The following OTOGL variants were observed in gnomAD, a reference collection of about 807,000 sequenced individuals.
OTOGL encodes otogelin-like protein.
In OTOGL, 285 loss-of-function variants were observed where a neutral mutation model predicts 318.5. That is an observed-to-expected ratio of 0.89 (90% CI 0.81 to 0.99). The LOEUF (loss-of-function observed/expected upper bound fraction) is 0.99, where lower values mean the gene tolerates loss of function less well. Among genes scored for constraint, OTOGL ranks in the 50% least tolerant of loss-of-function variants. The probability of loss-of-function intolerance (pLI) is 0.00; values close to 1 mark genes in which losing one functional copy is unlikely to be tolerated. For synonymous variants in OTOGL, 987 were observed against 936.5 expected (o/e 1.05, Z -0.99); for missense variants, 2,899 against 2,845.6 (o/e 1.02, Z -0.43).
intron 9 of OTOGL, among the ~76,000 whole-genome samples, chr12:80,236,773 CT>C (rs1879886120): frequency 6.7e-6 from 1 of 148,204 alleles, no homozygotes; most frequent in Non-Finnish European, 1.5e-5. Context: ...CCCTAGGATT[CT>C]TTTCGTTTTT....
chr12:80,147,454 T>C (rs933647920), intron 1 of OTOGL, among the ~76,000 whole-genome samples: 1 of 151,282 alleles, frequency 6.6e-6, no homozygotes, highest in Non-Finnish European at 1.5e-5. Context: ...TTACATTTGC[T>C]GAGGAGAGCT....
chr12:80,167,698 T>G (rs1197724570), intron 1 of OTOGL, among the ~76,000 whole-genome samples: 2 of 152,254 alleles, frequency 1.3e-5, no homozygotes, highest in East Asian at 3.9e-4. Context: ...AGCTATAAAA[T>G]AATGGTGAAG....
intron 14 of OTOGL, among the ~76,000 whole-genome samples, chr12:80,253,796 C>T (rs1304297918): frequency 2.0e-5 from 3 of 151,972 alleles, no homozygotes; most frequent in Admixed American, 6.6e-5. Flanking sequence ...ATCTTATATC[C>T]ACATAATGAG....
chr12:80,203,114 G>C (rs183220156), intron 1 of OTOGL, among the ~76,000 whole-genome samples: 1 of 152,202 alleles, frequency 6.6e-6, no homozygotes, highest in Non-Finnish European at 1.5e-5. Context: ...TTTCTTTACT[G>C]CTGTAACAAA....
chr12:80,266,521 CTCTT>C lies in OTOGL; in HGVS notation c.2296_2299del (p.Ser766ProfsTer63). ...TCTGCCTCCATTCCTGCATTTCTCTCTCTTCCCCGGAGCAGTGCAGTGATGACTG... is the reference window on the plus strand; with the variant it reads ...TCTGCCTCCATTCCTGCATTTCTCTCCCCCGGAGCAGTGCAGTGATGACTG... On this transcript the variant is annotated frameshift_variant, in exon 21 of 59. Transcript: ENST00000547103. LOFTEE classifies it high-confidence loss of function. 6.2e-7 allele frequency: 1 copy of C among 1,613,456 alleles called. No individual in the cohort carries two copies. The highest frequency in any genetic ancestry group is 1.7e-5 in the Admixed American group (1 of 59,874).
intron 1 of OTOGL, among the ~76,000 whole-genome samples, chr12:80,196,890 A>AG (rs1876109746): frequency 6.6e-6 from 1 of 152,162 alleles, no homozygotes; most frequent in Admixed American, 6.5e-5. Context: ...CATGAGGGGA[A>AG]GGGGGTGGTC....
intron 52 of OTOGL, among the ~76,000 whole-genome samples, chr12:80,360,349 C>T (rs1042745814): frequency 6.7e-6 from 1 of 148,294 alleles, no homozygotes; most frequent in Non-Finnish European, 1.5e-5. Context: ...TCTCTCACTC[C>T]CTCTCTCCCT....
Position 80,378,121 on chromosome 12 carries a change from G to C in OTOGL, c.*73G>C, listed in dbSNP as rs1227972704. The C allele has an allele frequency of 8.7e-7, 1 of 1,147,844 alleles. No individual in the cohort carries two copies. Among genetic ancestry groups the C allele is most frequent in the South Asian group, 1.5e-5 (1 of 65,100 alleles). The allele number at this position is 1,147,844 out of a possible 1,614,324, so 71.1% of individuals were successfully genotyped here. A position where few individuals can be genotyped will look rare whatever the true frequency, so the allele number is the denominator to read the frequency against. ...ATTAACTTTTATTGCTATTACTTAG[G>C]CATGTGGCAGATTTATGCTGTTTAA... On this transcript the variant is annotated 3_prime_UTR_variant, in exon 59 of 59. Transcript: ENST00000547103.
chr12:80,149,174 T>C (rs1220619611), intron 1 of OTOGL, among the ~76,000 whole-genome samples: 7 of 152,230 alleles, frequency 4.6e-5, no homozygotes, highest in African/African-American at 1.7e-4. Flanking sequence ...TTTTTCCCCA[T>C]CTTTGTGGTT....
At chr12:80,183,188 A>G (rs1875049100) in intron 1 of OTOGL, among the ~76,000 whole-genome samples, 1 of 152,204 alleles carries the variant, frequency 6.6e-6, no homozygotes. Flanking sequence ...GTGGAGACCA[A>G]CTAGGTAATT....
At chr12:80,266,705 A>C in intron 21 of OTOGL, 89 bp downstream of exon 21, 1 of 1,307,178 alleles carries the variant, frequency 7.7e-7, no homozygotes, top group South Asian at 1.5e-5. Context: ...GTTTTTGAAA[A>C]AAATATTTCT....
Position 80,221,268 on chromosome 12 carries a change from C to CTTT in OTOGL, c.335-810_335-808dup, listed in dbSNP as rs5799457. On this transcript the variant is annotated intron_variant, in intron 6 of 58. Coordinates refer to ENST00000547103, the MANE Select transcript of OTOGL (RefSeq NM_001378609.3). ...CATGAATTATTAAATTCCAGCATACCTTTTTTTTTTTTTTTGGAGACAGAG... is the reference window on the plus strand; with the variant it reads ...CATGAATTATTAAATTCCAGCATACCTTTTTTTTTTTTTTTTTTGGAGACAGAG... Among the ~76,000 whole-genome samples, 375 of 137,060 alleles carry CTTT rather than the reference C, an allele frequency of 2.7e-3. 4 individuals are homozygous for CTTT. The highest frequency in any genetic ancestry group is 7.0e-3 in the South Asian group (30 of 4,274). The allele number at this position is 137,060 out of a possible 152,430, so 89.9% of individuals were successfully genotyped here. A position where few individuals can be genotyped will look rare whatever the true frequency, so the allele number is the denominator to read the frequency against.
At chr12:80,178,509 C>T (rs1216561208) in intron 1 of OTOGL, among the ~76,000 whole-genome samples, 1 of 152,082 alleles carries the variant, frequency 6.6e-6, no homozygotes, top group Non-Finnish European at 1.5e-5. Context: ...AGTACTTTTC[C>T]ATATAAACTC....
chr12:80,366,226 C>A (rs1188373025), intron 52 of OTOGL: 2 of 347,538 alleles, frequency 5.8e-6, no homozygotes, highest in Non-Finnish European at 1.2e-5. Flanking sequence ...TGCTATTAAC[C>A]ACTGTACTAT....
intron 1 of OTOGL, among the ~76,000 whole-genome samples, chr12:80,142,199 T>G (rs994492075): frequency 5.3e-5 from 8 of 152,168 alleles, no homozygotes; most frequent in African/African-American, 1.9e-4. Flanking sequence ...TTTTAAGTTT[T>G]CTAGCTAAAA....
chr12:80,214,238 T>C (rs889426265), intron 4 of OTOGL, among the ~76,000 whole-genome samples: 1 of 152,076 alleles, frequency 6.6e-6, no homozygotes, highest in Non-Finnish European at 1.5e-5. Flanking sequence ...TTGGAAAGTG[T>C]ACAAATAAAG....
chr12:80,153,779 C>T (rs934995383), intron 1 of OTOGL, among the ~76,000 whole-genome samples: 5 of 152,144 alleles, frequency 3.3e-5, no homozygotes, highest in African/African-American at 1.2e-4. Flanking sequence ...TTTGCCTTTC[C>T]CAGAATGTCA....
intron 11 of OTOGL, among the ~76,000 whole-genome samples, chr12:80,244,892 T>A (rs1880730680): frequency 6.8e-6 from 1 of 146,774 alleles, no homozygotes; most frequent in Non-Finnish European, 1.5e-5. Flanking sequence ...CATAGTGGTT[T>A]TGATTTGCAT....
intron 16 of OTOGL, among the ~76,000 whole-genome samples, chr12:80,256,120 C>G (rs993176772): frequency 3.3e-5 from 5 of 151,916 alleles, no homozygotes; most frequent in Non-Finnish European, 7.4e-5. Context: ...AGGAATGGGG[C>G]TACATAAAAT....
Sources: allele counts gnomAD v4.1 joint callset (sites outside exome capture counted in the v4.1 genomes callset), GRCh38; gene constraint gnomAD v4.1.1; transcripts MANE v1.5; gene names NCBI Gene and HGNC (gene_info 2026-07-23, HGNC 2026-07-21).